The following XRCC5 variants were observed in gnomAD, a reference collection of about 807,000 sequenced individuals.
XRCC5 encodes the protein DNA repair protein Ku80.
XRCC5 carries 12 observed loss-of-function variants against 95.7 expected under a neutral mutation model. The ratio of observed to expected loss-of-function variants is 0.13; its 90% CI spans 0.08 to 0.20. The LOEUF (loss-of-function observed/expected upper bound fraction) is 0.20. Ranked by LOEUF, XRCC5 falls within the 10% of genes least tolerant of loss-of-function variation. XRCC5 has a pLI of 1.00. For synonymous variants in XRCC5, 281 were observed against 290.3 expected (o/e 0.97, Z 0.33); for missense variants, 595 against 873.9 (o/e 0.68, Z 4.02).
intron 16 of XRCC5, among the ~76,000 whole-genome samples, chr2:216,180,347 C>T (rs901740994): frequency 1.1e-4 from 16 of 152,278 alleles, no homozygotes; most frequent in Middle Eastern, 3.4e-3. Context: ...GTGGAGGGGC[C>T]GGGTACAGTG....
intron 17 of XRCC5, among the ~76,000 whole-genome samples, chr2:216,191,502 C>G (rs1689611751): frequency 6.6e-6 from 1 of 151,874 alleles, no homozygotes; most frequent in African/African-American, 2.4e-5. Flanking sequence ...CCTCTGCCTC[C>G]CAGGCTCAAG....
intron 16 of XRCC5, among the ~76,000 whole-genome samples, chr2:216,179,714 T>C (rs1002227636): frequency 2.0e-5 from 3 of 152,112 alleles, no homozygotes; most frequent in African/African-American, 7.2e-5. Flanking sequence ...GCAAAGAAAG[T>C]AGGAGCTGAG....
chr2:216,178,786 G>C (rs1309514530), intron 16 of XRCC5, among the ~76,000 whole-genome samples: 1 of 152,108 alleles, frequency 6.6e-6, no homozygotes, highest in Non-Finnish European at 1.5e-5. Flanking sequence ...GTTCTAGACT[G>C]TCTACTCCCC....
At chr2:216,148,008 G>A in intron 13 of XRCC5, 75 bp from the exon 14 acceptor site, 1 of 1,469,670 alleles carries the variant, frequency 6.8e-7, no homozygotes, top group African/African-American at 1.4e-5. Context: ...AAAGATGGAG[G>A]ATCCCTGATC....
intron 19 of XRCC5, among the ~76,000 whole-genome samples, chr2:216,198,921 GTAA>G (rs1474487358): frequency 1.3e-5 from 2 of 151,978 alleles, no homozygotes; most frequent in Non-Finnish European, 2.9e-5. Context: ...GAGTGTACAT[GTAA>G]ATGATAATGG....
chr2:216,157,268 C>CT (rs1688862829), intron 14 of XRCC5, among the ~76,000 whole-genome samples: 1 of 150,956 alleles, frequency 6.6e-6, no homozygotes, highest in African/African-American at 2.4e-5. Flanking sequence ...GAGTGTCACT[C>CT]TGTCACCCAG....
At chr2:216,151,390 T>G (rs753822976) in intron 14 of XRCC5, among the ~76,000 whole-genome samples, 1 of 152,198 alleles carries the variant, frequency 6.6e-6, no homozygotes, top group Admixed American at 6.5e-5. Context: ...TACGTGATCT[T>G]GATTTCTGTT....
chr2:216,179,931 A>G (rs1272802859), intron 16 of XRCC5, among the ~76,000 whole-genome samples: 1 of 152,230 alleles, frequency 6.6e-6, no homozygotes, highest in Non-Finnish European at 1.5e-5. Flanking sequence ...GGAGGTAGTA[A>G]GAAGAGGTCC....
intron 16 of XRCC5, among the ~76,000 whole-genome samples, chr2:216,166,928 G>A (rs1237718138): frequency 1.3e-5 from 2 of 152,080 alleles, no homozygotes; most frequent in African/African-American, 4.8e-5. Context: ...ATAAAAGGAT[G>A]GAATGTAACT....
At chr2:216,158,654 G>A (rs1417216349) in intron 14 of XRCC5, among the ~76,000 whole-genome samples, 2 of 152,010 alleles carry the variant, frequency 1.3e-5, no homozygotes, top group African/African-American at 2.4e-5. Flanking sequence ...CCCTTGTAAT[G>A]TTTCCTGGTT....
chr2:216,196,986 C>T (rs969264410), intron 19 of XRCC5, among the ~76,000 whole-genome samples: 6 of 152,252 alleles, frequency 3.9e-5, no homozygotes, highest in Middle Eastern at 3.4e-3. Context: ...ATCCAGGTGA[C>T]AGTACATACT....
Position 216,205,421 on chromosome 2 carries a change from GTT to G in XRCC5, c.*220_*221del. On this transcript the variant is annotated 3_prime_UTR_variant, in exon 21 of 21. Transcript: ENST00000392132. ...CCATACAAGTTTATAAAGAGTCATT[GTT>G]ATTTTCTGGTTGGTGTATTATTTTT... 1 of 555,708 alleles carries G rather than the reference GTT, an allele frequency of 1.8e-6. No homozygotes were observed. Among genetic ancestry groups the G allele is most frequent in the Non-Finnish European group, 3.2e-6 (1 of 312,678 alleles). 34.4% of individuals were successfully genotyped at this position (555,708 alleles called of 1,614,324 possible).
chr2:216,139,259 A>G (rs1435786976), intron 12 of XRCC5, among the ~76,000 whole-genome samples: 1 of 151,994 alleles, frequency 6.6e-6, no homozygotes, highest in African/African-American at 2.4e-5. Context: ...GTTCATTTTC[A>G]TACTGCTGAT....
At chr2:216,152,637 C>CT (rs1310548458) in intron 14 of XRCC5, among the ~76,000 whole-genome samples, 2 of 150,284 alleles carry the variant, frequency 1.3e-5, no homozygotes, top group African/African-American at 4.9e-5. Context: ...GCCCTGGATC[C>CT]TTTTTTTTCT....
chr2:216,187,406 A>T (rs1279038125), intron 16 of XRCC5, among the ~76,000 whole-genome samples: 1 of 146,450 alleles, frequency 6.8e-6, no homozygotes, highest in East Asian at 2.0e-4. Flanking sequence ...TTGCAAATGG[A>T]TTGTTGGCTT....
intron 6 of XRCC5, 151 bp downstream of exon 6, chr2:216,122,404 C>G: frequency 1.4e-6 from 1 of 720,006 alleles, no homozygotes. Flanking sequence ...AATAGTACAC[C>G]CACCCTTAAT....
chr2:216,128,131 A>G (rs1211216458), intron 8 of XRCC5: 3 of 152,780 alleles, frequency 2.0e-5, no homozygotes, highest in African/African-American at 7.2e-5. Flanking sequence ...TTCATATTAA[A>G]TAGGATTTTT....
intron 16 of XRCC5, among the ~76,000 whole-genome samples, chr2:216,166,088 A>G (rs929007428): frequency 1.3e-5 from 2 of 151,948 alleles, no homozygotes; most frequent in African/African-American, 4.8e-5. Flanking sequence ...TCACCATTCT[A>G]TCACCACAGA....
chr2:216,174,845 A>G (rs1041126794), intron 16 of XRCC5: 4 of 236,058 alleles, frequency 1.7e-5, no homozygotes, highest in East Asian at 1.2e-4. Flanking sequence ...TTTTGTGACA[A>G]CTCCTTGTTC....
Sources: gnomAD v4.1 joint callset for allele counts (sites outside exome capture counted in the v4.1 genomes callset) on GRCh38, gnomAD v4.1.1 for gene constraint, MANE v1.5 for transcripts, NCBI Gene and HGNC (gene_info 2026-07-23, HGNC 2026-07-21) for gene names.